MUC5B: variants seen among roughly 807,000 people sequenced by gnomAD.
MUC5B encodes mucin-5B.
A neutral mutation model predicts 376.9 loss-of-function variants in MUC5B; 116 were observed. That is an observed-to-expected ratio of 0.31 (90% confidence interval 0.26 to 0.36). The LOEUF (loss-of-function observed/expected upper bound fraction) is 0.36, where lower values mean the gene tolerates loss of function less well. MUC5B is among the 10% of genes least tolerant of loss of function. The pLI is 1.00. For missense variants in MUC5B, 7,165 were observed against 7,769.9 expected (o/e 0.92, Z 2.93); for synonymous variants, 3,517 against 3,390.9 (o/e 1.04, Z -1.29).
Position 1,233,005 on chromosome 11 carries a change from G to T in MUC5B, c.2066-8G>T. ...CTGACCTGTCCCCCCTGGCCCCACC[G>T]ACCACAGCCAAGTACATGCAGAACT... is the stretch of plus-strand genomic sequence containing the variant. On this transcript the variant is annotated splice_region_variant and splice_polypyrimidine_tract_variant and intron_variant, in intron 17 of 48. Transcript: ENST00000529681. 1 of 1,572,424 alleles carries T rather than the reference G, an allele frequency of 6.4e-7. No individual in the cohort carries two copies.
rs1862521583 is a variant in MUC5B, at chr11:1,247,447, C to T, written c.10567C>T (p.Pro3523Ser). The T allele has an allele frequency of 6.2e-7, 1 of 1,609,596 alleles. No homozygotes were observed. The highest frequency in any genetic ancestry group is 1.7e-5 in the Admixed American group (1 of 59,896). Reference sequence around the variant, plus strand: ...TAGCAGCAGGACCACCGAGTCACCCCCTTCTCCAGGGACGACCACCCCGGG... The same window carrying T: ...TAGCAGCAGGACCACCGAGTCACCCTCTTCTCCAGGGACGACCACCCCGGG... ...HPSSRTTESP[P>S]SPGTTTPGHT... Residue 3523 changes from proline (P) to serine (S), a missense_variant, in exon 31 of 49, where the codon CCT becomes TCT. Physicochemically the swap from Pro to Ser is moderately conservative, Grantham distance 74. Transcript: ENST00000529681.
chr11:1,256,681 C>G lies in MUC5B; in HGVS notation c.16147C>G (p.Pro5383Ala). The change falls in exon 39 of 49, where the codon CCA becomes GCA. Residue 5383 changes from proline to alanine, a missense_variant. Pro to Ala is a conservative substitution (Grantham distance 27, BLOSUM62 -1). Transcript: ENST00000529681. ...CTTGTCATCCTGCAGGAACCAGAGC[C>G]CACAGCTGGAGGGGATGGCGGAGGG... The part of the protein sequence containing the change: ...PATCNSRNQS[P>A]QLEGMAEGCF... 1 of 1,565,814 alleles carries G rather than the reference C, an allele frequency of 6.4e-7. No homozygotes were observed. The highest frequency in any genetic ancestry group is 8.6e-7 in the Non-Finnish European group (1 of 1,157,028).
Position 1,248,528 on chromosome 11 carries a change from C to G in MUC5B, c.11648C>G (p.Thr3883Arg), listed in dbSNP as rs188096070. The change falls in exon 31 of 49, where the codon ACG becomes AGG. Residue 3883 changes from threonine to arginine, a missense_variant. Physicochemically the swap from Thr to Arg is moderately conservative, Grantham distance 71 (BLOSUM62 -1). Coordinates refer to ENST00000529681, the MANE Select transcript of MUC5B (RefSeq NM_002458.3). The part of the protein sequence containing the change: ...FTVTPSSSPG[T>R]ARTPPVWIST... The stretch of plus-strand genomic sequence containing the variant: ...GTCACCCCCTCCTCCAGCCCAGGGA[C>G]GGCACGCACGCCTCCAGTGTGGATC... The G allele has an allele frequency of 4.4e-6, 7 of 1,597,282 alleles. No homozygotes were observed. Among genetic ancestry groups the G allele is most frequent in the Admixed American group, 3.3e-5 (2 of 59,762 alleles).
Position 1,234,250 on chromosome 11 carries a change from C to T in MUC5B, c.2423C>T (p.Ala808Val), listed in dbSNP as rs1862105623. Reference sequence around the variant, plus strand: ...TACCTGGACTGCAGCAACAGCTCGGCGGGCACCCCTGGGGCCGAGTGCCTC... The same window carrying T: ...TACCTGGACTGCAGCAACAGCTCGGTGGGCACCCCTGGGGCCGAGTGCCTC... ...MVYLDCSNSS[A>V]GTPGAECLRS... is the part of the protein sequence containing the mutation. Residue 808 changes from alanine (A) to valine (V), a missense_variant, in exon 20 of 49, where the codon GCG (alanine) becomes GTG (valine). By Grantham distance (64) the Ala-to-Val change is moderately conservative. Coordinates refer to ENST00000529681, the MANE Select transcript of MUC5B (RefSeq NM_002458.3). The surrounding 1 kb of genome is among the most constrained non-coding windows in gnomAD (Gnocchi z 6.3). The T allele has an allele frequency of 1.2e-5, 19 of 1,596,266 alleles. No homozygotes were observed. The highest frequency in any genetic ancestry group is 2.2e-5 in the South Asian group (2 of 89,460).
In MUC5B at chr11:1,251,599, G is replaced by A. The variant is rs764757104; in HGVS notation, c.14719G>A (p.Ala4907Thr). 69 of 1,612,744 alleles carry A rather than the reference G, an allele frequency of 4.3e-5. No homozygotes were observed. The highest frequency in any genetic ancestry group is 5.1e-6 in the Non-Finnish European group (6 of 1,179,740). ...CACCGTGGGGACCACCCGCACCCCTGCAGTGCTCCCCAGCAGCCTGCCAAC... is the reference window on the plus strand; with the variant it reads ...CACCGTGGGGACCACCCGCACCCCTACAGTGCTCCCCAGCAGCCTGCCAAC... ...SSTVGTTRTPAVLPSSLPTFS... is the reference protein window; with the variant it reads ...SSTVGTTRTPTVLPSSLPTFS... The change falls in exon 31 of 49, where the codon GCA becomes ACA. Residue 4907 changes from alanine to threonine, a missense_variant. Physicochemically the swap from Ala to Thr is moderately conservative, Grantham distance 58. This residue lies in a region of MUC5B where 730 missense variants were observed against 592.7 expected (regional missense o/e 1.23). Transcript: ENST00000529681.
rs777055142 is a variant in MUC5B, at chr11:1,252,989, G to T, written c.15217+9G>T. The T allele has an allele frequency of 8.1e-6, 13 of 1,612,346 alleles. No homozygotes were observed. Among genetic ancestry groups the T allele is most frequent in the Non-Finnish European group, 1.0e-5 (12 of 1,179,824 alleles). ...CCACTATGAGTGCGAGTGTGAGTGC[G>T]TCGGTGGCCGCGGGATTACCCCGGG... On this transcript the variant is annotated intron_variant, in intron 33 of 48. Transcript: ENST00000529681.
Position 1,246,618 on chromosome 11 carries a change from C to G in MUC5B, c.9738C>G (p.Gly3246=). The G allele has an allele frequency of 6.2e-7, 1 of 1,613,128 alleles. No individual in the cohort carries two copies. Among genetic ancestry groups the G allele is most frequent in the Non-Finnish European group, 8.5e-7 (1 of 1,179,524 alleles). The stretch of plus-strand genomic sequence containing the variant: ...CAGCCATCCCCTCTTCCTCCCTGGG[C>G]ACCGCCTGGACCCGCCTATCACAGA... ...SVTAIPSSSL[G]TAWTRLSQTT... Residue 3246 remains glycine (G), a synonymous_variant, in exon 31 of 49, where the codon GGC becomes GGG. Transcript: ENST00000529681.
Position 1,241,455 on chromosome 11 carries a change from G to A in MUC5B, c.4575G>A (p.Gly1525=), listed in dbSNP as rs1554936660. The change falls in exon 31 of 49, where the codon GGG becomes GGA. Residue 1525 remains glycine, a synonymous_variant. Coordinates refer to ENST00000529681, the MANE Select transcript of MUC5B (RefSeq NM_002458.3). ...ACCCCAAGTCTGAACAACTTGGAGG[G>A]GACGTTGAGTCCTACGATAAGATCA... The part of the protein sequence containing the change: ...EDYPKSEQLG[G]DVESYDKIRA... 2 of 1,613,418 alleles carry A rather than the reference G, an allele frequency of 1.2e-6. No homozygotes were observed. The highest frequency in any genetic ancestry group is 1.1e-5 in the South Asian group (1 of 91,068).
rs199538432 is a variant in MUC5B, at chr11:1,233,085, G to C, written c.2138G>C (p.Arg713Pro). The C allele has an allele frequency of 4.4e-5, 71 of 1,607,104 alleles. No homozygotes were observed. The highest frequency in any genetic ancestry group is 5.7e-5 in the Non-Finnish European group (67 of 1,179,216). Reference sequence around the variant, plus strand: ...GTGGATGCCTGCCAGCCCACTTGCCGCGGCCTGAGTGAGGCCGACGTCACC... The same window carrying C: ...GTGGATGCCTGCCAGCCCACTTGCCCCGGCCTGAGTGAGGCCGACGTCACC... ...YVVDACQPTCRGLSEADVTCS... is the reference protein window; with the variant it reads ...YVVDACQPTCPGLSEADVTCS... The change falls in exon 18 of 49, where the codon CGC becomes CCC. Residue 713 changes from arginine (R) to proline (P), a missense_variant. By Grantham distance (103) the Arg-to-Pro change is moderately radical. Transcript: ENST00000529681.
chr11:1,242,486 G>A lies in MUC5B; in HGVS notation c.5606G>A (p.Cys1869Tyr). The change falls in exon 31 of 49, where the codon TGC becomes TAC. Residue 1869 changes from cysteine (C) to tyrosine (Y), a missense_variant. By Grantham distance (194) the Cys-to-Tyr change is radical. Around this residue, in one of 31 missense-constraint regions of MUC5B, gnomAD observed 897 missense variants for 779.6 expected, o/e 1.15. Transcript: ENST00000529681. ...NEDQTGRFNMCFNYNVRVLCC... is the reference protein window; with the variant it reads ...NEDQTGRFNMYFNYNVRVLCC... ...GACCAGACAGGCAGGTTCAACATGT[G>A]CTTCAACTACAACGTGCGTGTGCTT... The A allele has an allele frequency of 6.2e-7, 1 of 1,613,758 alleles. No individual in the cohort carries two copies. Among genetic ancestry groups the A allele is most frequent in the Admixed American group, 1.7e-5 (1 of 59,992 alleles).
Position 1,251,330 on chromosome 11 carries a change from G to A in MUC5B, c.14450G>A (p.Arg4817Gln), listed in dbSNP as rs551897417. Residue 4817 changes from arginine (R) to glutamine (Q), a missense_variant, in exon 31 of 49, where the codon CGG (arginine) becomes CAG (glutamine). By Grantham distance (43) the Arg-to-Gln change is conservative (BLOSUM62 1). Coordinates refer to ENST00000529681, the MANE Select transcript of MUC5B (RefSeq NM_002458.3). ...CCCTCCTCCACTCTGGGGACGACCCGGATCCTCACTGAGCTGACCACAACA... is the reference window on the plus strand; with the variant it reads ...CCCTCCTCCACTCTGGGGACGACCCAGATCCTCACTGAGCTGACCACAACA... ...ATPSSTLGTT[R>Q]ILTELTTTAT... 2.9e-5 allele frequency: 46 copies of A among 1,609,216 alleles called. 1 individual carries two copies. Among genetic ancestry groups the A allele is most frequent in the South Asian group, 3.3e-5 (3 of 90,876 alleles).
At position 1,248,043 on chromosome 11, in the gene MUC5B, C is replaced by A; in HGVS notation, c.11163C>A (p.Ile3721=). ...TPSSTPGTTW[I]LTEPSTTATV... ...CCTCCACCCCAGGGACCACCTGGAT[C>A]CTCACAGAGCCGAGCACTACAGCCA... is the stretch of plus-strand genomic sequence containing the variant. The change falls in exon 31 of 49, where the codon ATC becomes ATA. Residue 3721 remains isoleucine (I), a synonymous_variant. Transcript: ENST00000529681. 1 of 1,606,098 alleles carries A rather than the reference C, an allele frequency of 6.2e-7. No individual in the cohort carries two copies. Among genetic ancestry groups the A allele is most frequent in the Non-Finnish European group, 8.5e-7 (1 of 1,176,718 alleles).
At position 1,228,780 on chromosome 11, in the gene MUC5B, G is replaced by A; in HGVS notation, c.976+15G>A. On this transcript the variant is annotated intron_variant, in intron 8 of 48. Coordinates refer to ENST00000529681, the MANE Select transcript of MUC5B (RefSeq NM_002458.3). ...TGAGCTCTGCCGTGAGTGCTCCCAG[G>A]GCCTTCGCCAGGGATTGTGCCAGAG... 1 of 1,483,022 alleles carries A rather than the reference G, an allele frequency of 6.7e-7. No individual in the cohort carries two copies. The highest frequency in any genetic ancestry group is 9.0e-7 in the Non-Finnish European group (1 of 1,114,018). 91.9% of individuals were successfully genotyped at this position (1,483,022 alleles called of 1,614,324 possible). A position where few individuals can be genotyped will look rare whatever the true frequency, so the allele number is the denominator to read the frequency against.
At position 1,241,101 on chromosome 11, in the gene MUC5B, C is replaced by T. The variant is rs373173805; in HGVS notation, c.4221C>T (p.Cys1407=). 7.4e-6 allele frequency: 12 copies of T among 1,611,836 alleles called. No homozygotes were observed. The South Asian group carries it at 8.8e-5, about 12-fold the overall frequency. Residue 1407 remains cysteine, a synonymous_variant, in exon 31 of 49, where the codon TGC becomes TGT. Coordinates refer to ENST00000529681, the MANE Select transcript of MUC5B (RefSeq NM_002458.3). ...GTGACCGCATGCGGGGGCTGATGTG[C>T]GCCAACAGCCAACAGAGTCCCCCGC... The part of the protein sequence containing the change: ...VDCDRMRGLM[C]ANSQQSPPLC...
chr11:1,226,083 A>T, intron 2 of MUC5B, 122 bp from the exon 3 acceptor site: 1 of 975,330 alleles, frequency 1.0e-6, no homozygotes, highest in Non-Finnish European at 1.5e-6. Context: ...CCTTGGCCCC[A>T]GCCCATCAGT....
Position 1,241,045 on chromosome 11 carries a change from C to T in MUC5B, c.4165C>T (p.Pro1389Ser). The change falls in exon 31 of 49, where the codon CCG becomes TCG. Residue 1389 changes from proline to serine, a missense_variant. Coordinates refer to ENST00000529681, the MANE Select transcript of MUC5B (RefSeq NM_002458.3). ...CCGGGCGGCGCAGCTTCCCGACATG[C>T]CGCTGGAGGAGCTGGGCCAGCAGGT... ...ECRAAQLPDM[P>S]LEELGQQVDC... 1 of 1,612,512 alleles carries T rather than the reference C, an allele frequency of 6.2e-7. No individual in the cohort carries two copies. Among genetic ancestry groups the T allele is most frequent in the Non-Finnish European group, 8.5e-7 (1 of 1,179,762 alleles).
rs373165503 is a variant in MUC5B at position 1,230,107 on chromosome 11, C to T, written c.1323C>T (p.Tyr441=). ...AHISTYDEKL[Y]DLHGDCSYVL... Reference sequence around the variant, plus strand: ...TCTCCACCTATGATGAGAAACTCTACGACCTGCATGGTGACTGCAGCTACG... The same window carrying T: ...TCTCCACCTATGATGAGAAACTCTATGACCTGCATGGTGACTGCAGCTACG... The change falls in exon 11 of 49, where the codon TAC becomes TAT. Residue 441 remains tyrosine, a synonymous_variant. Transcript: ENST00000529681. 30 of 1,612,036 alleles carry T rather than the reference C, an allele frequency of 1.9e-5. No individual in the cohort carries two copies. Among genetic ancestry groups the T allele is most frequent in the Middle Eastern group, 1.7e-4 (1 of 6,056 alleles).
At position 1,251,709 on chromosome 11, in the gene MUC5B, C is replaced by A; in HGVS notation, c.14829C>A (p.Cys4943Ter). The A allele has an allele frequency of 6.2e-7, 1 of 1,609,982 alleles. No individual in the cohort carries two copies. The highest frequency in any genetic ancestry group is 8.5e-7 in the Non-Finnish European group (1 of 1,177,894). ...GFPSSHFSTP[C>*]FCRAFGQFFS... ...CCAGCTCCCACTTCTCTACTCCCTG[C>A]TTCTGCAGGGCATTTGGACAGTTTT... Residue 4943 changes from cysteine (C) to a stop codon, truncating the protein, a stop_gained, in exon 31 of 49, where the codon TGC becomes TGA. Transcript: ENST00000529681. LOFTEE classifies it high-confidence loss of function.
At chr11:1,240,428 G>A in intron 30 of MUC5B, 53 bp downstream of exon 30, 1 of 1,490,622 alleles carries the variant, frequency 6.7e-7, no homozygotes, top group Non-Finnish European at 9.1e-7. Context: ...TGACAAGGAG[G>A]ACCCCCTGGG....
Sources: allele counts gnomAD v4.1 joint callset, GRCh38; gene constraint gnomAD v4.1.1; regional missense constraint gnomAD v4.1.1; non-coding constraint Gnocchi (gnomAD v3.1); transcripts MANE v1.5; gene names NCBI Gene and HGNC (gene_info 2026-07-23, HGNC 2026-07-21).